Variants in SH3RF2 observed in about 807,000 individuals in gnomAD.
The protein encoded by SH3RF2 is SH3 domain containing ring finger 2.
A neutral mutation model predicts 59.0 loss-of-function variants in SH3RF2; 43 were observed. The ratio of observed to expected loss-of-function variants is 0.73; its 90% CI spans 0.57 to 0.94. The LOEUF is 0.94. Among genes scored for constraint, SH3RF2 ranks in the 40% least tolerant of loss-of-function variants. The pLI, the probability that SH3RF2 is intolerant of heterozygous loss-of-function variation, is 0.00. For synonymous variants in SH3RF2, 391 were observed against 391.5 expected (o/e 1.00, Z 0.01); for missense variants, 930 against 940.1 (o/e 0.99, Z 0.14).
intron 2 of SH3RF2, among the ~76,000 whole-genome samples, chr5:145,994,500 G>A (rs1263325077): frequency 6.6e-6 from 1 of 152,178 alleles, no homozygotes; most frequent in African/African-American, 2.4e-5. Flanking sequence ...ACATGGATGG[G>A]GAGGCCTCAG....
intron 2 of SH3RF2, among the ~76,000 whole-genome samples, chr5:145,952,629 G>A (rs140322020): frequency 2.6e-4 from 39 of 152,308 alleles, no homozygotes; most frequent in Non-Finnish European, 4.0e-4. Flanking sequence ...CAAGACAGAC[G>A]TGTAATGTAT....
At chr5:145,988,086 G>A (rs1561725721) in intron 2 of SH3RF2, among the ~76,000 whole-genome samples, 1 of 152,148 alleles carries the variant, frequency 6.6e-6, no homozygotes. Context: ...GAGTCCAGGA[G>A]CTTCCATAAA....
chr5:146,011,799 C>G (rs1365136470), intron 4 of SH3RF2, among the ~76,000 whole-genome samples: 3 of 152,160 alleles, frequency 2.0e-5, no homozygotes. Context: ...ATGGGGTTTT[C>G]TAAATATACA....
At chr5:145,958,928 A>C (rs1409180342) in intron 2 of SH3RF2, among the ~76,000 whole-genome samples, 1 of 152,226 alleles carries the variant, frequency 6.6e-6, no homozygotes, top group Non-Finnish European at 1.5e-5. Context: ...TCTGGTGCTC[A>C]ACAGCAATTT....
chr5:146,034,465 A>G (rs1161099322), intron 5 of SH3RF2, among the ~76,000 whole-genome samples: 1 of 152,238 alleles, frequency 6.6e-6, no homozygotes, highest in East Asian at 1.9e-4. Context: ...AGAACCACAC[A>G]GAGCCAGCAA....
chr5:146,058,341 C>T (rs1762757263), intron 8 of SH3RF2, among the ~76,000 whole-genome samples: 1 of 152,106 alleles, frequency 6.6e-6, no homozygotes, highest in African/African-American at 2.4e-5. Context: ...GGCTGGCAAG[C>T]TATCAGTCTC....
At chr5:146,033,397 C>T (rs1379377470) in intron 5 of SH3RF2, among the ~76,000 whole-genome samples, 1 of 146,602 alleles carries the variant, frequency 6.8e-6, no homozygotes, top group Non-Finnish European at 1.5e-5. Flanking sequence ...AATCATGTCT[C>T]TCCAGAAGTT....
chr5:146,081,361 G>A (rs2150031523), exon 10 of SH3RF2: 1 of 151,718 alleles, frequency 6.6e-6, no homozygotes, highest in Admixed American at 6.6e-5. Context: ...CTCCCTTCAG[G>A]ACCACTTTCT....
chr5:146,055,829 G>T, intron 7 of SH3RF2, 152 bp from the exon 8 acceptor site: 1 of 852,512 alleles, frequency 1.2e-6, no homozygotes, highest in Non-Finnish European at 1.8e-6. Context: ...TAAGCCTGTA[G>T]TTCACAAAAT....
chr5:145,964,746 C>T (rs952766087), intron 2 of SH3RF2, among the ~76,000 whole-genome samples: 2 of 152,070 alleles, frequency 1.3e-5, no homozygotes, highest in Non-Finnish European at 2.9e-5. Flanking sequence ...GACTGTGGAT[C>T]ATTAAACAAT....
At chr5:146,018,411 T>C (rs948904780) in intron 5 of SH3RF2, among the ~76,000 whole-genome samples, 1 of 152,176 alleles carries the variant, frequency 6.6e-6, no homozygotes, top group African/African-American at 2.4e-5. Flanking sequence ...TCCAAGTTGT[T>C]GCACAAGACA....
chr5:146,035,584 A>T lies in SH3RF2; in HGVS notation c.1060-12188A>T, dbSNP rs7718547. ...CCAGGGACATCTGAATTCAGAACCC[A>T]AGTTCCTAACAGTTATGCTCCCATG... On this transcript the variant is annotated intron_variant, in intron 5 of 9. Coordinates refer to ENST00000359120, the MANE Select transcript of SH3RF2 (RefSeq NM_152550.4). Among the ~76,000 whole-genome samples, 1,262 of 152,302 alleles carry T rather than the reference A, an allele frequency of 8.3e-3. 19 individuals carry two copies. Among genetic ancestry groups the T allele is most frequent in the African/African-American group, 0.029 (1,197 of 41,552 alleles).
At chr5:145,947,562 T>C (rs532985007) in intron 2 of SH3RF2, among the ~76,000 whole-genome samples, 1 of 152,360 alleles carries the variant, frequency 6.6e-6, no homozygotes, top group African/African-American at 2.4e-5. Flanking sequence ...TTTCACATGC[T>C]ATCATGCCCA....
At chr5:146,031,905 T>C (rs1240884827) in intron 5 of SH3RF2, among the ~76,000 whole-genome samples, 2 of 152,060 alleles carry the variant, frequency 1.3e-5, no homozygotes, top group Admixed American at 6.5e-5. Context: ...GCCCCAGGTA[T>C]ATAAGACCCA....
intron 2 of SH3RF2, among the ~76,000 whole-genome samples, chr5:145,995,007 T>TAA (rs34904079): frequency 0.55 from 83,307 of 150,148 alleles, 23,616 homozygotes; most frequent in South Asian, 0.78. Context: ...TCATAAATAA[T>TAA]AAAAAAAAAG....
At chr5:146,069,784 G>A (rs1763191623) in intron 9 of SH3RF2, among the ~76,000 whole-genome samples, 1 of 152,000 alleles carries the variant, frequency 6.6e-6, no homozygotes, top group Non-Finnish European at 1.5e-5. Flanking sequence ...ATGTTACCCA[G>A]ACTGGTCTCG....
At position 145,938,219 on chromosome 5, in the gene SH3RF2, G is replaced by C; in HGVS notation, c.291G>C (p.Gln97His). 6.2e-7 allele frequency: 1 copy of C among 1,612,700 alleles called. No homozygotes were observed. Among genetic ancestry groups the C allele is most frequent in the Non-Finnish European group, 8.5e-7 (1 of 1,179,954 alleles). ...SFRRPGTMTLQDGRKSRTNPR... is the reference protein window; with the variant it reads ...SFRRPGTMTLHDGRKSRTNPR... ...GCAGGCCTGGCACGATGACCTTGCAGGATGGCAGGAAAAGCAGGACCAACC... is the reference window on the plus strand; with the variant it reads ...GCAGGCCTGGCACGATGACCTTGCACGATGGCAGGAAAAGCAGGACCAACC... Residue 97 changes from glutamine to histidine, a missense_variant, in exon 2 of 10, where the codon CAG (glutamine) becomes CAC (histidine). Transcript: ENST00000359120.
chr5:145,986,819 G>T, intron 2 of SH3RF2, among the ~76,000 whole-genome samples: 1 of 152,180 alleles, frequency 6.6e-6, no homozygotes. Flanking sequence ...ATGAAAATAC[G>T]CCAATGGCAG....
rs1292009035 is a variant in SH3RF2, at chr5:146,049,206, TCGGCATC to T, written c.1284_1290del (p.Gly429SerfsTer61). ...GGCGTCTCCTTGGTCACCGGGCGAGTCGGCATCTTCCCAAACAATTACGTCATCCCCA... is the reference window on the plus strand; with the variant it reads ...GGCGTCTCCTTGGTCACCGGGCGAGTTTCCCAAACAATTACGTCATCCCCA... On this transcript the variant is annotated frameshift_variant, in exon 7 of 10. Coordinates refer to ENST00000359120, the MANE Select transcript of SH3RF2 (RefSeq NM_152550.4). LOFTEE classifies it high-confidence loss of function. The T allele has an allele frequency of 1.1e-5, 18 of 1,613,364 alleles. No homozygotes were observed. The highest frequency in any genetic ancestry group is 1.4e-5 in the Non-Finnish European group (17 of 1,179,826).
Sources: gnomAD v4.1 joint callset for allele counts (sites outside exome capture counted in the v4.1 genomes callset) on GRCh38, gnomAD v4.1.1 for gene constraint, MANE v1.5 for transcripts, NCBI Gene and HGNC (gene_info 2026-07-23, HGNC 2026-07-21) for gene names.